The following PPP2R2B variants were observed in gnomAD, a reference collection of about 807,000 sequenced individuals.
PPP2R2B encodes the protein serine/threonine-protein phosphatase 2A 55 kDa regulatory subunit B beta isoform.
Under a neutral mutation model 46.0 loss-of-function variants are expected in PPP2R2B, and 5 were observed. That is an observed-to-expected ratio of 0.11 (90% CI 0.06 to 0.23). The LOEUF (loss-of-function observed/expected upper bound fraction) is 0.23. PPP2R2B is among the 10% of genes least tolerant of loss of function. The pLI is 1.00. For missense variants in PPP2R2B, 367 were observed against 575.0 expected (o/e 0.64, Z 3.70); for synonymous variants, 215 against 206.7 (o/e 1.04, Z -0.34).
rs189630311 is a variant in PPP2R2B at position 146,643,775 on chromosome 5, G to A, written c.626-5360C>T. On this transcript the variant is annotated intron_variant, in intron 6 of 9. Transcript: ENST00000394411. Reference sequence around the variant, plus strand: ...TGTTTTAAAAAGAAAAAGGCATATGGTATAATCCCAACTATATACAAAATA... The same window carrying A: ...TGTTTTAAAAAGAAAAAGGCATATGATATAATCCCAACTATATACAAAATA... Among the ~76,000 whole-genome samples, 281 of 152,230 alleles carry A rather than the reference G, an allele frequency of 1.8e-3. 1 individual carries two copies. In the Middle Eastern group the frequency reaches 0.02, roughly 11 times the overall value.
At chr5:146,966,812 C>T (rs557540592) in intron 1 of PPP2R2B, among the ~76,000 whole-genome samples, 12 of 152,054 alleles carry the variant, frequency 7.9e-5, no homozygotes, top group Admixed American at 1.3e-4. Context: ...TACTTTTTGC[C>T]GGGCACAGAG....
Position 146,824,618 on chromosome 5 carries a change from A to G in PPP2R2B, c.70+53384T>C, listed in dbSNP as rs146796236. Among the ~76,000 whole-genome samples, 246 of 152,292 alleles carry G rather than the reference A, an allele frequency of 1.6e-3. 1 individual carries two copies. The South Asian group carries it at 0.029, about 18-fold the overall frequency. The stretch of plus-strand genomic sequence containing the variant: ...GTAGACTCATGACACACACTGTGGT[A>G]GAGTGGTAATTTTTGAAACGGGCTT... On this transcript the variant is annotated intron_variant, in intron 2 of 9. Coordinates refer to ENST00000394411, the MANE Select transcript of PPP2R2B (RefSeq NM_181675.4).
intron 5 of PPP2R2B, among the ~76,000 whole-genome samples, chr5:146,685,205 G>A (rs924172215): frequency 4.6e-5 from 7 of 151,646 alleles, no homozygotes; most frequent in Admixed American, 3.3e-4. Context: ...TAATAGTGAG[G>A]AACAGGAGCT....
chr5:146,654,735 T>C (rs1226794969), intron 5 of PPP2R2B, among the ~76,000 whole-genome samples: 2 of 152,186 alleles, frequency 1.3e-5, no homozygotes, highest in East Asian at 1.9e-4. Flanking sequence ...GATGAGGTCA[T>C]TGAGGTCTGA....
intron 1 of PPP2R2B, among the ~76,000 whole-genome samples, chr5:146,955,604 C>T (rs1252416746): frequency 6.6e-6 from 1 of 151,932 alleles, no homozygotes; most frequent in Non-Finnish European, 1.5e-5. Context: ...AAGAGAAGTG[C>T]TCTTCTGACT....
chr5:147,012,806 C>T (rs1482041415), intron 1 of PPP2R2B, among the ~76,000 whole-genome samples: 1 of 151,914 alleles, frequency 6.6e-6, no homozygotes, highest in Admixed American at 6.6e-5. Context: ...TTTCAAAGAA[C>T]ATCTTTATTT....
intron 2 of PPP2R2B, among the ~76,000 whole-genome samples, chr5:146,865,885 C>T (rs1332326351): frequency 6.6e-6 from 1 of 152,150 alleles, no homozygotes; most frequent in Admixed American, 6.5e-5. Context: ...CCCCACCTCC[C>T]CACTTAACCA....
At chr5:146,988,770 G>C (rs1753551577) in intron 1 of PPP2R2B, among the ~76,000 whole-genome samples, 1 of 151,558 alleles carries the variant, frequency 6.6e-6, no homozygotes, top group Non-Finnish European at 1.5e-5. Flanking sequence ...AAAGATCAGA[G>C]CAGAAATAAA....
At chr5:146,616,865 C>A (rs1045120548) in intron 7 of PPP2R2B, 1 of 152,188 alleles carries the variant, frequency 6.6e-6, no homozygotes, top group Non-Finnish European at 1.5e-5. Flanking sequence ...AATCCCACTC[C>A]TTATGTATAT....
At chr5:146,747,524 C>T (rs1447463573) in intron 2 of PPP2R2B, among the ~76,000 whole-genome samples, 1 of 152,206 alleles carries the variant, frequency 6.6e-6, no homozygotes, top group Non-Finnish European at 1.5e-5. Context: ...GAACTTACCA[C>T]TTCAACATTA....
intron 1 of PPP2R2B, among the ~76,000 whole-genome samples, chr5:147,042,989 G>C (rs1187052977): frequency 1.3e-5 from 2 of 152,126 alleles, no homozygotes; most frequent in Admixed American, 6.6e-5. Context: ...AGAGGAGTTA[G>C]AGGAGATCAG....
At chr5:146,634,725 A>C (rs1774688643) in intron 7 of PPP2R2B, among the ~76,000 whole-genome samples, 1 of 151,728 alleles carries the variant, frequency 6.6e-6, no homozygotes, top group African/African-American at 2.4e-5. Flanking sequence ...AGCCTTCATA[A>C]CCATGTGATC....
chr5:147,038,914 A>G (rs1756167301), intron 1 of PPP2R2B, among the ~76,000 whole-genome samples: 1 of 152,182 alleles, frequency 6.6e-6, no homozygotes, highest in Non-Finnish European at 1.5e-5. Context: ...CTGCTTCTTT[A>G]AAAAGTATAA....
At chr5:146,689,270 C>T (rs1778689538) in intron 5 of PPP2R2B, among the ~76,000 whole-genome samples, 1 of 152,060 alleles carries the variant, frequency 6.6e-6, no homozygotes, top group South Asian at 2.1e-4. Context: ...ATCATCATCC[C>T]CGTTATATAG....
At chr5:146,845,686 T>C (rs1435586235) in intron 2 of PPP2R2B, among the ~76,000 whole-genome samples, 1 of 152,186 alleles carries the variant, frequency 6.6e-6, no homozygotes, top group African/African-American at 2.4e-5. Context: ...CTAACATAGT[T>C]GATGCTCCAT....
At chr5:146,865,040 C>T (rs189360966) in intron 2 of PPP2R2B, among the ~76,000 whole-genome samples, 2 of 152,018 alleles carry the variant, frequency 1.3e-5, no homozygotes, top group South Asian at 2.1e-4. Flanking sequence ...TAAAACATAA[C>T]CAAAGACATG....
At chr5:147,077,275 TACACACACAC>T (rs370176510) in intron 2 of PPP2R2B, among the ~76,000 whole-genome samples, 44 of 140,498 alleles carry the variant, frequency 3.1e-4, no homozygotes, top group Middle Eastern at 3.8e-3. Flanking sequence ...TATGTGTGTA[TACACACACAC>T]ACACACACAC....
At chr5:146,753,582 T>C (rs774381459) in intron 2 of PPP2R2B, among the ~76,000 whole-genome samples, 3 of 152,154 alleles carry the variant, frequency 2.0e-5, no homozygotes, top group Non-Finnish European at 4.4e-5. Flanking sequence ...GGGAGATTCT[T>C]GCCAGCCAAG....
chr5:146,755,744 A>G (rs1753795458), intron 2 of PPP2R2B, among the ~76,000 whole-genome samples: 2 of 152,166 alleles, frequency 1.3e-5, no homozygotes, highest in African/African-American at 2.4e-5. Flanking sequence ...TAAACTTTGT[A>G]TTGGATTTCT....
Sources: gnomAD v4.1 joint callset for allele counts (sites outside exome capture counted in the v4.1 genomes callset) on GRCh38, gnomAD v4.1.1 for gene constraint, MANE v1.5 for transcripts, NCBI Gene and HGNC (gene_info 2026-07-23, HGNC 2026-07-21) for gene names.